Variants in LPAR3 observed in about 807,000 individuals in gnomAD.
The protein encoded by LPAR3 is lysophosphatidic acid receptor 3, also known as LPA receptor 3.
In LPAR3, 7 loss-of-function variants were observed where a neutral mutation model predicts 17.8. The observed-to-expected ratio is 0.39, with a 90% CI of 0.22 to 0.74. The LOEUF is 0.74. LPAR3 is among the 30% of genes least tolerant of loss of function. The pLI, the probability that LPAR3 is intolerant of heterozygous loss-of-function variation, is 0.40. For missense variants in LPAR3, 391 were observed against 453.4 expected (o/e 0.86, Z 1.25); for synonymous variants, 179 against 179.9 (o/e 0.99, Z 0.04).
intron 2 of LPAR3, among the ~76,000 whole-genome samples, chr1:84,860,834 G>A (rs546940562): frequency 9.2e-4 from 139 of 150,274 alleles, no homozygotes; most frequent in Admixed American, 1.7e-3. Context: ...CACCTCCTGG[G>A]TTCAACCAAT....
In LPAR3 at chr1:84,879,316, C is replaced by CTTTTTTCTT. The variant is rs1553149965; in HGVS notation, c.-18-13179_-18-13178insAAGAAAAAA. ...TTTTCTTTCTTTTCTTTTCTTTTTTCTTTTTTTTTTTTTGAGATGGAATCT... is the reference window on the plus strand; with the variant it reads ...TTTTCTTTCTTTTCTTTTCTTTTTTCTTTTTTCTTTTTTTTTTTTTTTGAGATGGAATCT... On this transcript the variant is annotated intron_variant, in intron 1 of 2. Coordinates refer to ENST00000370611, the MANE Select transcript of LPAR3 (RefSeq NM_012152.3). Among the ~76,000 whole-genome samples, 52 of 120,614 alleles carry CTTTTTTCTT rather than the reference C, an allele frequency of 4.3e-4. 2 individuals are homozygous for CTTTTTTCTT. In the South Asian group the frequency reaches 4.4e-3, roughly 10 times the overall value. 79.1% of individuals were successfully genotyped at this position (120,614 alleles called of 152,430 possible).
At chr1:84,878,491 TACC>T (rs1660297974) in intron 1 of LPAR3, among the ~76,000 whole-genome samples, 1 of 152,122 alleles carries the variant, frequency 6.6e-6, no homozygotes. Flanking sequence ...CCCAAATAAT[TACC>T]ACAAGCCCCG....
chr1:84,845,217 G>T (rs1037034532), intron 2 of LPAR3, among the ~76,000 whole-genome samples: 2 of 152,096 alleles, frequency 1.3e-5, no homozygotes, highest in South Asian at 4.1e-4. Context: ...ACATTGAAAA[G>T]CATTTTTAAA....
chr1:84,860,619 G>A (rs1488412883), intron 2 of LPAR3, among the ~76,000 whole-genome samples: 1 of 151,908 alleles, frequency 6.6e-6, no homozygotes, highest in Non-Finnish European at 1.5e-5. Context: ...TAAGCTCACT[G>A]AATTCATGCA....
intron 1 of LPAR3, among the ~76,000 whole-genome samples, chr1:84,873,752 T>A (rs1660202395): frequency 7.6e-6 from 1 of 132,218 alleles, no homozygotes; most frequent in Non-Finnish European, 1.5e-5. Context: ...TTTGTTTTGC[T>A]TGTTTGTTTT....
chr1:84,893,083 G>T lies in LPAR3; in HGVS notation c.-86C>A, dbSNP rs1660582991. On this transcript the variant is annotated 5_prime_UTR_variant, in exon 1 of 3. Coordinates refer to ENST00000370611, the MANE Select transcript of LPAR3 (RefSeq NM_012152.3). ...CCTGCGGCTGCCGCATGCCCTCGGG[G>T]TCGAGCGCGACGGGGCGACCGGGCG... 6.6e-6 allele frequency: 1 copy of T among 152,008 alleles called. No individual in the cohort carries two copies. Among genetic ancestry groups the T allele is most frequent in the Admixed American group, 6.6e-5 (1 of 15,256 alleles). 9.4% of individuals were successfully genotyped at this position (152,008 alleles called of 1,614,324 possible). A position where few individuals can be genotyped will look rare whatever the true frequency, so the allele number is the denominator to read the frequency against.
intron 2 of LPAR3, among the ~76,000 whole-genome samples, chr1:84,859,648 T>C (rs992635467): frequency 6.6e-6 from 1 of 152,210 alleles, no homozygotes; most frequent in Non-Finnish European, 1.5e-5. Context: ...TTTTCTCTTC[T>C]TTTTATGTCA....
intron 1 of LPAR3, among the ~76,000 whole-genome samples, chr1:84,878,344 T>C (rs1557608517): frequency 6.6e-6 from 1 of 152,184 alleles, no homozygotes; most frequent in Non-Finnish European, 1.5e-5. Context: ...CTCCTCAGTA[T>C]TCCTGTCTCC....
intron 2 of LPAR3, among the ~76,000 whole-genome samples, chr1:84,840,463 A>C (rs1440557071): frequency 6.6e-6 from 1 of 152,244 alleles, no homozygotes; most frequent in Non-Finnish European, 1.5e-5. Context: ...TAACAATAAC[A>C]AAAACCAACA....
At chr1:84,815,022 A>G (rs554550661) in intron 2 of LPAR3, among the ~76,000 whole-genome samples, 2 of 152,330 alleles carry the variant, frequency 1.3e-5, no homozygotes, top group Middle Eastern at 3.4e-3. Context: ...TCAGATAGCA[A>G]TAACGACTCA....
At chr1:84,814,356 G>A (rs1658892403) in intron 2 of LPAR3, among the ~76,000 whole-genome samples, 185 bp from the exon 3 acceptor site, 1 of 152,148 alleles carries the variant, frequency 6.6e-6, no homozygotes, top group African/African-American at 2.4e-5. Context: ...GCAAATAGGT[G>A]GGAACCTCCT....
intron 2 of LPAR3, among the ~76,000 whole-genome samples, chr1:84,827,420 T>C (rs964828505): frequency 4.6e-5 from 7 of 152,024 alleles, no homozygotes; most frequent in African/African-American, 1.2e-4. Flanking sequence ...AGGATGAAGG[T>C]CAATGACTCC....
intron 2 of LPAR3, among the ~76,000 whole-genome samples, chr1:84,860,531 G>T (rs1221414879): frequency 6.6e-6 from 1 of 151,936 alleles, no homozygotes; most frequent in African/African-American, 2.4e-5. Flanking sequence ...TATCCTTCCA[G>T]ATTACATCCC....
intron 2 of LPAR3, among the ~76,000 whole-genome samples, chr1:84,850,161 T>C (rs1659673869): frequency 6.6e-6 from 1 of 152,100 alleles, no homozygotes; most frequent in Admixed American, 6.5e-5. Context: ...ACATCTCCCC[T>C]GCCTTTTGAA....
intron 1 of LPAR3, among the ~76,000 whole-genome samples, chr1:84,873,445 A>G (rs1331626451): frequency 6.6e-6 from 1 of 152,222 alleles, no homozygotes; most frequent in East Asian, 1.9e-4. Context: ...TTTTAAAATA[A>G]ATAAAGCCCC....
intron 2 of LPAR3, among the ~76,000 whole-genome samples, chr1:84,837,588 C>T (rs1478359987): frequency 6.6e-6 from 1 of 152,190 alleles, no homozygotes; most frequent in African/African-American, 2.4e-5. Flanking sequence ...AAATACAGTG[C>T]ATTAGCGAAG....
chr1:84,882,992 T>C (rs1484176048), intron 1 of LPAR3, among the ~76,000 whole-genome samples: 1 of 152,204 alleles, frequency 6.6e-6, no homozygotes, highest in Non-Finnish European at 1.5e-5. Flanking sequence ...CCTAAGGCTG[T>C]TAGGAGATTT....
At chr1:84,830,728 G>A (rs1265917820) in intron 2 of LPAR3, among the ~76,000 whole-genome samples, 2 of 152,168 alleles carry the variant, frequency 1.3e-5, no homozygotes, top group East Asian at 3.9e-4. Context: ...AGGAAACACA[G>A]AGGTAATGGA....
chr1:84,814,332 T>C (rs1658891308), intron 2 of LPAR3, among the ~76,000 whole-genome samples, 161 bp from the exon 3 acceptor site: 3 of 152,214 alleles, frequency 2.0e-5, no homozygotes, highest in South Asian at 4.1e-4. Flanking sequence ...ATTTGAGACC[T>C]ACGCTTGGTA....
Sources: gnomAD v4.1 joint callset for allele counts (sites outside exome capture counted in the v4.1 genomes callset) on GRCh38, gnomAD v4.1.1 for gene constraint, MANE v1.5 for transcripts, NCBI Gene and HGNC (gene_info 2026-07-23, HGNC 2026-07-21) for gene names.